The following EML5 variants were observed in gnomAD, a reference collection of about 807,000 sequenced individuals.
EML5 encodes the protein echinoderm microtubule-associated protein-like 5.
In EML5, 120 loss-of-function variants were observed where a neutral mutation model predicts 250.0. The ratio of observed to expected loss-of-function variants is 0.48; its 90% CI spans 0.41 to 0.56. The LOEUF is 0.56. Among genes scored for constraint, EML5 ranks in the 20% least tolerant of loss-of-function variants. The probability of loss-of-function intolerance (pLI) is 0.00; values close to 1 mark genes in which losing one functional copy is unlikely to be tolerated. For synonymous variants in EML5, 771 were observed against 806.5 expected, an observed-to-expected ratio of 0.96 and a Z score of 0.75; for missense variants, 2,006 against 2,437.6, an observed-to-expected ratio of 0.82 and a Z score of 3.73.
intron 1 of EML5, among the ~76,000 whole-genome samples, chr14:88,788,201 CG>C (rs1481856215): frequency 6.6e-6 from 1 of 152,142 alleles, no homozygotes; most frequent in African/African-American, 2.4e-5. Flanking sequence ...ATCTATCTAC[CG>C]TGCAAATGTT....
intron 27 of EML5, among the ~76,000 whole-genome samples, chr14:88,652,688 T>C (rs1030794855): frequency 1.3e-5 from 2 of 152,152 alleles, no homozygotes; most frequent in African/African-American, 2.4e-5. Flanking sequence ...ACTCCCTCTG[T>C]TCCTTCTTAC....
chr14:88,616,689 G>C, intron 42 of EML5, 37 bp downstream of exon 42: 1 of 1,578,946 alleles, frequency 6.3e-7, no homozygotes, highest in Non-Finnish European at 8.6e-7. Context: ...TCAAAATTAG[G>C]AGTAAACTGA....
At chr14:88,711,704 G>T (rs2093410759) in intron 10 of EML5, among the ~76,000 whole-genome samples, 1 of 152,094 alleles carries the variant, frequency 6.6e-6, no homozygotes, top group Admixed American at 6.6e-5. Flanking sequence ...AGTACTCTGG[G>T]AGGCTGACGT....
chr14:88,616,343 G>T, intron 42 of EML5, 101 bp from the exon 43 acceptor site: 3 of 1,180,558 alleles, frequency 2.5e-6, no homozygotes, highest in African/African-American at 1.5e-5. Context: ...TGTGGAGAGA[G>T]TAGGGAGTTA....
At chr14:88,709,980 T>C (rs1434841994) in intron 10 of EML5, among the ~76,000 whole-genome samples, 1 of 152,218 alleles carries the variant, frequency 6.6e-6, no homozygotes, top group Non-Finnish European at 1.5e-5. Context: ...TAAATTTTCA[T>C]TTGTCAACAA....
At position 88,620,951 on chromosome 14, in the gene EML5, A is replaced by G. The variant is rs2088803956; in HGVS notation, c.5203-25T>C. ...TCTGCATTTAAAAAAAAAAAAAAAA[A>G]GAGTCATAGGAAACATTAAGTGAAG... is the stretch of plus-strand genomic sequence containing the variant. On this transcript the variant is annotated intron_variant, in intron 38 of 43. Transcript: ENST00000554922. This position sits in a 1 kb window ranked among gnomAD's most constrained non-coding sequence, Gnocchi z 4.3. The G allele has an allele frequency of 1.4e-6, 2 of 1,464,038 alleles. No homozygotes were observed. 90.7% of individuals were successfully genotyped at this position (1,464,038 alleles called of 1,614,324 possible).
intron 2 of EML5, among the ~76,000 whole-genome samples, chr14:88,748,474 C>CTG (rs1285522592): frequency 6.6e-6 from 1 of 152,100 alleles, no homozygotes; most frequent in Non-Finnish European, 1.5e-5. Context: ...AGTGCTGCCT[C>CTG]ATCAAAGTTT....
chr14:88,776,199 C>T (rs2094445863), intron 1 of EML5, among the ~76,000 whole-genome samples: 1 of 152,124 alleles, frequency 6.6e-6, no homozygotes, highest in African/African-American at 2.4e-5. Context: ...CTTCAATGCC[C>T]AGACACCAAA....
chr14:88,773,673 A>C (rs1267304971), intron 1 of EML5, among the ~76,000 whole-genome samples: 2 of 152,138 alleles, frequency 1.3e-5, no homozygotes, highest in Non-Finnish European at 2.9e-5. Context: ...AAATTAAATC[A>C]CAATTTCTTT....
At position 88,685,161 on chromosome 14, in the gene EML5, A is replaced by G; in HGVS notation, c.2855-19T>C. 1 of 1,588,690 alleles carries G rather than the reference A, an allele frequency of 6.3e-7. No individual in the cohort carries two copies. On this transcript the variant is annotated intron_variant, in intron 19 of 43. Coordinates refer to ENST00000554922, the MANE Select transcript of EML5 (RefSeq NM_183387.3). Reference sequence around the variant, plus strand: ...AGAAGACCTGAAATGTTAAATGAAGATGTTCTTTTAGACATACAGTTACTA... The same window carrying G: ...AGAAGACCTGAAATGTTAAATGAAGGTGTTCTTTTAGACATACAGTTACTA...
intron 7 of EML5, among the ~76,000 whole-genome samples, chr14:88,734,060 T>C (rs967746709): frequency 7.2e-5 from 11 of 151,846 alleles, no homozygotes; most frequent in African/African-American, 2.7e-4. Flanking sequence ...CAATTTACAT[T>C]ATAGGCAAAG....
intron 21 of EML5, among the ~76,000 whole-genome samples, chr14:88,674,887 A>G (rs2092559230): frequency 6.6e-6 from 1 of 152,240 alleles, no homozygotes; most frequent in Non-Finnish European, 1.5e-5. Context: ...CCAAGGGGTT[A>G]CAGGCCCCAT....
chr14:88,734,263 A>G (rs1566721940), intron 7 of EML5, among the ~76,000 whole-genome samples: 1 of 152,180 alleles, frequency 6.6e-6, no homozygotes, highest in Non-Finnish European at 1.5e-5. Context: ...GGATAAACAA[A>G]TAATTGATGA....
chr14:88,792,257 CT>C lies in EML5; in HGVS notation c.197+49del. ...GTCCAGAGGAACCCGCGGGTGCAAA[CT>C]CCGGGAGCGGCTTGCAGGGTGACGG... On this transcript the variant is annotated intron_variant, in intron 1 of 43. Coordinates refer to ENST00000554922, the MANE Select transcript of EML5 (RefSeq NM_183387.3). This position sits in a 1 kb window ranked among gnomAD's most constrained non-coding sequence, Gnocchi z 6.9. The C allele has an allele frequency of 5.2e-6, 8 of 1,529,974 alleles. No homozygotes were observed. The highest frequency in any genetic ancestry group is 7.0e-6 in the Non-Finnish European group (8 of 1,139,690). The allele number at this position is 1,529,974 out of a possible 1,614,324, so 94.8% of individuals were successfully genotyped here.
chr14:88,619,046 C>G (rs998509630), intron 39 of EML5: 3 of 342,498 alleles, frequency 8.8e-6, no homozygotes, highest in Non-Finnish European at 1.5e-5. Context: ...TCTCCCAATT[C>G]CTTTAAAAAC....
chr14:88,767,170 A>C (rs1420348647), intron 1 of EML5, among the ~76,000 whole-genome samples: 1 of 152,238 alleles, frequency 6.6e-6, no homozygotes, highest in Non-Finnish European at 1.5e-5. Flanking sequence ...ATTAGGTTCA[A>C]GGTACATATC....
chr14:88,675,531 C>G (rs112928786), intron 21 of EML5, among the ~76,000 whole-genome samples: 1 of 152,322 alleles, frequency 6.6e-6, no homozygotes, highest in African/African-American at 2.4e-5. Flanking sequence ...GCCTGGCCCA[C>G]AAAACCATCT....
intron 1 of EML5, among the ~76,000 whole-genome samples, chr14:88,754,959 C>T (rs2094141564): frequency 6.6e-6 from 1 of 152,130 alleles, no homozygotes; most frequent in South Asian, 2.1e-4. Context: ...CACCCGCCAC[C>T]ACGCCCAGCT....
In EML5 at chr14:88,618,309, C is replaced by T. The variant is rs758575543; in HGVS notation, c.5561G>A (p.Arg1854Gln). Residue 1854 changes from arginine to glutamine, a missense_variant, in exon 41 of 44, where the codon CGG becomes CAG. Coordinates refer to ENST00000554922, the MANE Select transcript of EML5 (RefSeq NM_183387.3). ...TCCTGAAGGCACTTCATAGACATGC[C>T]GTTTATAGCAGCCACTAGAGACCTT... ...YLQVSSGCYK[R>Q]HVYEVPSGKH... 9 of 1,613,454 alleles carry T rather than the reference C, an allele frequency of 5.6e-6. No homozygotes were observed. The highest frequency in any genetic ancestry group is 3.3e-5 in the Admixed American group (2 of 59,988).
Sources: allele counts gnomAD v4.1 joint callset (sites outside exome capture counted in the v4.1 genomes callset), GRCh38; gene constraint gnomAD v4.1.1; non-coding constraint Gnocchi (gnomAD v3.1); transcripts MANE v1.5; gene names NCBI Gene and HGNC (gene_info 2026-07-23, HGNC 2026-07-21).